Variants in CADM1 observed in about 807,000 individuals in gnomAD.
The protein encoded by CADM1 is TSLC-1.
In CADM1, 15 loss-of-function variants were observed where a neutral mutation model predicts 53.1. The ratio of observed to expected loss-of-function variants is 0.28; its 90% CI spans 0.19 to 0.44. The LOEUF is 0.44. Ranked by LOEUF, CADM1 falls within the 20% of genes least tolerant of loss-of-function variation. CADM1 has a pLI of 1.00. For synonymous variants in CADM1, 281 were observed against 243.0 expected (o/e 1.16, Z -1.45); for missense variants, 434 against 611.3 (o/e 0.71, Z 3.06).
chr11:115,396,138 C>T (rs1228723430), intron 1 of CADM1, among the ~76,000 whole-genome samples: 1 of 152,184 alleles, frequency 6.6e-6, no homozygotes, highest in East Asian at 1.9e-4. Flanking sequence ...GTGCTATGAG[C>T]ACTACAAAAT....
At chr11:115,460,913 G>A (rs1027174268) in intron 1 of CADM1, among the ~76,000 whole-genome samples, 1 of 152,074 alleles carries the variant, frequency 6.6e-6, no homozygotes. Flanking sequence ...TTTATTTCAG[G>A]TTCTGGGCCT....
intron 1 of CADM1, among the ~76,000 whole-genome samples, chr11:115,289,593 C>CTTTTTTTTTTT (rs56766047): frequency 6.1e-4 from 66 of 109,012 alleles, no homozygotes; most frequent in Non-Finnish European, 9.1e-4. Context: ...CTTTTTTTTT[C>CTTTTTTTTTTT]TTTTTTTTTT....
chr11:115,378,376 G>T (rs1379796417), intron 1 of CADM1, among the ~76,000 whole-genome samples: 1 of 152,052 alleles, frequency 6.6e-6, no homozygotes, highest in African/African-American at 2.4e-5. Flanking sequence ...TTGAACACCT[G>T]ATTCTCCTTT....
At chr11:115,308,141 C>CTCTGTG (rs1448132082) in intron 1 of CADM1, among the ~76,000 whole-genome samples, 5 of 133,444 alleles carry the variant, frequency 3.7e-5, no homozygotes, top group Non-Finnish European at 6.3e-5. Flanking sequence ...AACTCTCTCT[C>CTCTGTG]TGTGTGTGTG....
intron 7 of CADM1, among the ~76,000 whole-genome samples, chr11:115,213,575 AC>A (rs1282612081): frequency 2.0e-5 from 3 of 152,216 alleles, no homozygotes; most frequent in Non-Finnish European, 4.4e-5. Flanking sequence ...GATTAAAAAG[AC>A]TGCCACTCCT....
At chr11:115,392,991 G>A (rs1340631133) in intron 1 of CADM1, among the ~76,000 whole-genome samples, 3 of 141,878 alleles carry the variant, frequency 2.1e-5, no homozygotes, top group African/African-American at 2.6e-5. Context: ...GCTCAGGGCT[G>A]TAGTATGCCA....
At chr11:115,459,907 C>T (rs1948758716) in intron 1 of CADM1, among the ~76,000 whole-genome samples, 1 of 152,134 alleles carries the variant, frequency 6.6e-6, no homozygotes, top group African/African-American at 2.4e-5. Context: ...CATACTCAGG[C>T]CAGACTACTT....
intron 1 of CADM1, among the ~76,000 whole-genome samples, chr11:115,307,848 A>G (rs939505285): frequency 5.3e-5 from 8 of 151,828 alleles, no homozygotes; most frequent in African/African-American, 9.7e-5. Flanking sequence ...TCCTTCTATG[A>G]CAATCAATGT....
intron 3 of CADM1, among the ~76,000 whole-genome samples, chr11:115,235,215 G>A (rs1298492808): frequency 4.0e-5 from 6 of 150,186 alleles, no homozygotes; most frequent in African/African-American, 1.5e-4. Flanking sequence ...TATAAATGAG[G>A]TGATTTAAAT....
intron 1 of CADM1, among the ~76,000 whole-genome samples, chr11:115,337,589 G>GT (rs747543702): frequency 2.0e-5 from 3 of 151,990 alleles, no homozygotes; most frequent in Non-Finnish European, 2.9e-5. Flanking sequence ...CTTTACTAAT[G>GT]TTTTTTCTTA....
intron 1 of CADM1, among the ~76,000 whole-genome samples, chr11:115,436,056 G>A (rs1326800528): frequency 6.6e-6 from 1 of 152,266 alleles, no homozygotes; most frequent in South Asian, 2.1e-4. Flanking sequence ...ACTAACCTAC[G>A]CCATGGTGAC....
chr11:115,385,808 A>G (rs867665012), intron 1 of CADM1, among the ~76,000 whole-genome samples: 13 of 152,202 alleles, frequency 8.5e-5, no homozygotes, highest in Middle Eastern at 6.3e-3. Context: ...GCCTCCCTTC[A>G]TCTAAATTTC....
intron 1 of CADM1, among the ~76,000 whole-genome samples, chr11:115,288,610 C>T (rs141324131): frequency 1.1e-4 from 16 of 152,316 alleles, no homozygotes; most frequent in African/African-American, 3.1e-4. Flanking sequence ...TCCTATTTCT[C>T]TCCCTTGTCC....
At chr11:115,307,048 T>C (rs1230011176) in intron 1 of CADM1, among the ~76,000 whole-genome samples, 5 of 151,946 alleles carry the variant, frequency 3.3e-5, no homozygotes, top group Admixed American at 3.3e-4. Flanking sequence ...GCTGGCATCA[T>C]GCAATAGCAT....
At chr11:115,337,095 T>A (rs564591971) in intron 1 of CADM1, among the ~76,000 whole-genome samples, 2 of 152,154 alleles carry the variant, frequency 1.3e-5, no homozygotes, top group Non-Finnish European at 2.9e-5. Context: ...GTAGCTAAAC[T>A]GAGTTTAAAA....
chr11:115,196,798 T>G (rs960976899), intron 9 of CADM1, among the ~76,000 whole-genome samples: 3 of 152,052 alleles, frequency 2.0e-5, no homozygotes, highest in African/African-American at 7.2e-5. Flanking sequence ...AACTTAAGTA[T>G]CTTAAAAAGA....
At chr11:115,440,136 T>C (rs1948276958) in intron 1 of CADM1, among the ~76,000 whole-genome samples, 3 of 152,244 alleles carry the variant, frequency 2.0e-5, no homozygotes, top group Admixed American at 2.0e-4. Flanking sequence ...CATCCACACA[T>C]GGTCTTGGCA....
chr11:115,304,825 T>C (rs1944322291), intron 1 of CADM1, among the ~76,000 whole-genome samples: 1 of 152,144 alleles, frequency 6.6e-6, no homozygotes, highest in African/African-American at 2.4e-5. Context: ...TAAGTGCCTA[T>C]TGTCAGACAG....
intron 1 of CADM1, among the ~76,000 whole-genome samples, chr11:115,243,891 T>C (rs1252343892): frequency 6.6e-6 from 1 of 152,176 alleles, no homozygotes; most frequent in Non-Finnish European, 1.5e-5. Context: ...AGAAATCAAA[T>C]AGGTACAACA....
Sources: allele counts gnomAD v4.1 joint callset (sites outside exome capture counted in the v4.1 genomes callset), GRCh38; gene constraint gnomAD v4.1.1; transcripts MANE v1.5; gene names NCBI Gene and HGNC (gene_info 2026-07-23, HGNC 2026-07-21).